The following ROBO2 variants were observed in gnomAD, a reference collection of about 807,000 sequenced individuals.
The protein encoded by ROBO2 is roundabout homolog 2.
A neutral mutation model predicts 160.8 loss-of-function variants in ROBO2; 53 were observed. The ratio of observed to expected loss-of-function variants is 0.33; its 90% CI spans 0.26 to 0.41. The LOEUF (loss-of-function observed/expected upper bound fraction) is 0.41. ROBO2 is among the 10% of genes least tolerant of loss of function. The pLI is 1.00. For synonymous variants in ROBO2, 664 were observed against 611.7 expected (o/e 1.09, Z -1.26); for missense variants, 1,577 against 1,722.4 (o/e 0.92, Z 1.49).
chr3:76,427,956 A>G (rs2076285673), intron 2 of ROBO2, among the ~76,000 whole-genome samples: 1 of 152,192 alleles, frequency 6.6e-6, no homozygotes, highest in South Asian at 2.1e-4. Context: ...TTGTGTTTTT[A>G]GAATTTACAG....
At chr3:77,529,272 T>G (rs1407098912) in intron 6 of ROBO2, among the ~76,000 whole-genome samples, 1 of 151,504 alleles carries the variant, frequency 6.6e-6, no homozygotes, top group Admixed American at 6.6e-5. Context: ...TACAAAAACT[T>G]TGCAACCTTA....
At chr3:76,884,443 C>A (rs1239976715) in intron 2 of ROBO2, among the ~76,000 whole-genome samples, 2 of 152,160 alleles carry the variant, frequency 1.3e-5, no homozygotes, top group African/African-American at 2.4e-5. Context: ...GGAAATGGTA[C>A]TGTAGAGCAG....
At chr3:77,091,414 A>G (rs1047324445) in intron 1 of ROBO2, among the ~76,000 whole-genome samples, 2 of 152,226 alleles carry the variant, frequency 1.3e-5, no homozygotes, top group Admixed American at 1.3e-4. Context: ...ATACCACTCA[A>G]CGTTGTAAAA....
At chr3:76,636,354 G>C (rs543996314) in intron 2 of ROBO2, among the ~76,000 whole-genome samples, 1 of 152,314 alleles carries the variant, frequency 6.6e-6, no homozygotes, top group South Asian at 2.1e-4. Flanking sequence ...GTCATCTTTA[G>C]CTGTAAACTA....
intron 2 of ROBO2, among the ~76,000 whole-genome samples, chr3:77,255,517 C>G (rs1011092196): frequency 1.3e-5 from 2 of 152,172 alleles, no homozygotes; most frequent in African/African-American, 4.8e-5. Flanking sequence ...TAAAAGGTGT[C>G]TGGTGGTAAC....
At chr3:76,236,909 T>C (rs894943004) in intron 2 of ROBO2, among the ~76,000 whole-genome samples, 1 of 152,084 alleles carries the variant, frequency 6.6e-6, no homozygotes, top group Non-Finnish European at 1.5e-5. Flanking sequence ...CCCTAGTGTA[T>C]ATAATGTTGC....
intron 16 of ROBO2, among the ~76,000 whole-genome samples, chr3:77,587,223 T>G (rs1029873833): frequency 5.9e-5 from 9 of 151,904 alleles, no homozygotes; most frequent in Non-Finnish European, 1.0e-4. Context: ...TGTCCAACAG[T>G]GAGGAAAGAG....
intron 2 of ROBO2, among the ~76,000 whole-genome samples, chr3:76,688,905 T>C (rs1349163829): frequency 6.6e-6 from 1 of 152,052 alleles, no homozygotes; most frequent in East Asian, 1.9e-4. Flanking sequence ...ATGAGTGATG[T>C]CTTTTTTGCC....
At chr3:77,332,154 G>A (rs144254126) in intron 2 of ROBO2, among the ~76,000 whole-genome samples, 3 of 152,262 alleles carry the variant, frequency 2.0e-5, no homozygotes, top group African/African-American at 7.2e-5. Flanking sequence ...TTCTTATATT[G>A]TGTACTATAT....
At chr3:76,233,054 CT>C (rs749058168) in intron 2 of ROBO2, among the ~76,000 whole-genome samples, 1 of 152,058 alleles carries the variant, frequency 6.6e-6, no homozygotes, top group Non-Finnish European at 1.5e-5. Context: ...AGTATGGAAC[CT>C]TATTCTTCCT....
At chr3:76,021,471 G>A (rs550135785) in intron 2 of ROBO2, among the ~76,000 whole-genome samples, 4 of 151,800 alleles carry the variant, frequency 2.6e-5, no homozygotes, top group Admixed American at 2.6e-4. Flanking sequence ...TCTAAGCTCT[G>A]CCATACCTGT....
chr3:77,367,800 G>T (rs2071137693), intron 2 of ROBO2, among the ~76,000 whole-genome samples: 1 of 152,248 alleles, frequency 6.6e-6, no homozygotes, highest in African/African-American at 2.4e-5. Context: ...AGAATGCTAA[G>T]ATTTGCCAAT....
intron 2 of ROBO2, among the ~76,000 whole-genome samples, chr3:77,030,852 A>G (rs1429354441): frequency 6.6e-6 from 1 of 152,230 alleles, no homozygotes; most frequent in South Asian, 2.1e-4. Flanking sequence ...TTGAAATAAC[A>G]TTCCATTCAG....
chr3:76,395,220 A>G (rs1031609415), intron 2 of ROBO2, among the ~76,000 whole-genome samples: 17 of 150,944 alleles, frequency 1.1e-4, no homozygotes, highest in African/African-American at 4.2e-4. Flanking sequence ...CTGCTCCTGA[A>G]TGACTACTGG....
rs1042661100 is a variant in ROBO2, at chr3:76,115,074, T to C, written c.109+177472T>C. On this transcript the variant is annotated intron_variant, in intron 2 of 26. Transcript: ENST00000487694. ...ATTTAAACAATTTTAAACAAGATCT[T>C]TAACAGATGTTCTTATGGTTAGAAC... 8.5e-5 allele frequency among the ~76,000 whole-genome samples: 13 copies of C among 152,228 alleles called. No homozygotes were observed. The East Asian group carries it at 1.7e-3, about 20-fold the overall frequency.
chr3:76,492,857 C>A (rs2079909798), intron 2 of ROBO2, among the ~76,000 whole-genome samples: 1 of 151,980 alleles, frequency 6.6e-6, no homozygotes, highest in South Asian at 2.1e-4. Context: ...AACATTCTAG[C>A]AATTTTTATA....
chr3:76,721,297 G>A (rs1040530760), intron 2 of ROBO2, among the ~76,000 whole-genome samples: 1 of 152,098 alleles, frequency 6.6e-6, no homozygotes, highest in African/African-American at 2.4e-5. Flanking sequence ...CTGAGCTTCT[G>A]TGATAAGAGA....
chr3:76,584,554 C>T (rs557602399), intron 2 of ROBO2, among the ~76,000 whole-genome samples: 1 of 152,218 alleles, frequency 6.6e-6, no homozygotes, highest in South Asian at 2.1e-4. Flanking sequence ...CAGCCATCCA[C>T]AGCCAAAAAG....
In ROBO2 at chr3:76,925,346, A is replaced by G. The variant is rs115304145; in HGVS notation, c.110-172668A>G. Among the ~76,000 whole-genome samples the G allele has an allele frequency of 5.4e-3, 821 of 152,208 alleles. 9 individuals carry two copies. Among genetic ancestry groups the G allele is most frequent in the African/African-American group, 0.019 (783 of 41,556 alleles). ...GATTTGCCTTTGGGATACTTCATAT[A>G]TTTGCCTAGTAATGGCCTGTTGTAG... is the stretch of plus-strand genomic sequence containing the variant. On this transcript the variant is annotated intron_variant, in intron 2 of 26. Transcript: ENST00000487694.
Sources: allele counts gnomAD v4.1 joint callset (sites outside exome capture counted in the v4.1 genomes callset), GRCh38; gene constraint gnomAD v4.1.1; transcripts MANE v1.5; gene names NCBI Gene and HGNC (gene_info 2026-07-23, HGNC 2026-07-21).